Variants in CSMD1 observed in about 807,000 individuals in gnomAD.
The protein encoded by CSMD1 is CUB and Sushi multiple domains 1.
A neutral mutation model predicts 417.5 loss-of-function variants in CSMD1; 213 were observed. The observed-to-expected ratio is 0.51, with a 90% CI of 0.46 to 0.57. The LOEUF (loss-of-function observed/expected upper bound fraction) is 0.57, where lower values mean the gene tolerates loss of function less well. CSMD1 is among the 20% of genes least tolerant of loss of function. The probability of loss-of-function intolerance (pLI) is 0.00; values close to 1 mark genes in which losing one functional copy is unlikely to be tolerated. For synonymous variants in CSMD1, 2,862 were observed against 1,736.8 expected (o/e 1.65, Z -16.11); for missense variants, 6,923 against 4,529.7 (o/e 1.53, Z -15.17).
chr8:3,553,863 C>G (rs1799024810), intron 10 of CSMD1, among the ~76,000 whole-genome samples: 1 of 152,060 alleles, frequency 6.6e-6, no homozygotes, highest in African/African-American at 2.4e-5. Context: ...ACACATATGC[C>G]AAACACGTAC....
chr8:3,345,412 A>G (rs1807923590), intron 22 of CSMD1, among the ~76,000 whole-genome samples: 1 of 152,114 alleles, frequency 6.6e-6, no homozygotes, highest in Non-Finnish European at 1.5e-5. Flanking sequence ...GAGAAAGTGT[A>G]TGTCGTTGAT....
intron 1 of CSMD1, among the ~76,000 whole-genome samples, chr8:4,892,111 T>G (rs1010118229): frequency 7.9e-5 from 12 of 152,140 alleles, no homozygotes; most frequent in African/African-American, 2.7e-4. Flanking sequence ...TCTTCCTCTC[T>G]GTCACAGGGA....
chr8:4,249,754 T>C (rs1325272551), intron 3 of CSMD1, among the ~76,000 whole-genome samples: 1 of 150,546 alleles, frequency 6.6e-6, no homozygotes, highest in Admixed American at 6.7e-5. Context: ...ACAAAGTCTA[T>C]TAATGGGGGA....
chr8:4,150,688 G>C lies in CSMD1; in HGVS notation c.416-118589C>G, dbSNP rs576341248. On this transcript the variant is annotated intron_variant, in intron 3 of 69. Transcript: ENST00000635120. ...TGCAGATAAGGAGTGTTTAGCATTT[G>C]GTTTAGAACCTTAGGGTGTGGAAAG... Among the ~76,000 whole-genome samples the C allele has an allele frequency of 3.3e-5, 5 of 152,230 alleles. No homozygotes were observed. In the South Asian group the frequency reaches 1.0e-3, roughly 32 times the overall value.
chr8:4,670,537 G>C (rs897374396), intron 1 of CSMD1, among the ~76,000 whole-genome samples: 2 of 152,150 alleles, frequency 1.3e-5, no homozygotes, highest in Non-Finnish European at 2.9e-5. Flanking sequence ...GGGATACTGT[G>C]TCTTATATTC....
In CSMD1 at chr8:3,223,716, C is replaced by T; in HGVS notation, c.4484+13G>A. Reference sequence around the variant, plus strand: ...AATCCTACTAAAAAGAGGTATTCTGCAAGAGACGGTACCTTTTGAATATCA... The same window carrying T: ...AATCCTACTAAAAAGAGGTATTCTGTAAGAGACGGTACCTTTTGAATATCA... On this transcript the variant is annotated intron_variant, in intron 28 of 69. Transcript: ENST00000635120. The T allele has an allele frequency of 6.2e-7, 1 of 1,613,136 alleles. No individual in the cohort carries two copies. Among genetic ancestry groups the T allele is most frequent in the Non-Finnish European group, 8.5e-7 (1 of 1,179,382 alleles).
intron 1 of CSMD1, among the ~76,000 whole-genome samples, chr8:4,793,195 T>C (rs1477481475): frequency 6.6e-6 from 1 of 152,032 alleles, no homozygotes; most frequent in Non-Finnish European, 1.5e-5. Flanking sequence ...TATGAGTAAA[T>C]AAAAATTAAT....
Position 3,714,291 on chromosome 8 carries a change from T to C in CSMD1, c.932-5800A>G, listed in dbSNP as rs1048319464. Among the ~76,000 whole-genome samples the C allele has an allele frequency of 2.6e-5, 4 of 151,054 alleles. No homozygotes were observed. In the Admixed American group the frequency reaches 2.6e-4, roughly 10 times the overall value. Reference sequence around the variant, plus strand: ...TCTTACAATTATTTAATCAATAGATTTCTGTTAAATTTGAGAAGTAATCAC... The same window carrying C: ...TCTTACAATTATTTAATCAATAGATCTCTGTTAAATTTGAGAAGTAATCAC... On this transcript the variant is annotated intron_variant, in intron 6 of 69. Transcript: ENST00000635120.
intron 11 of CSMD1, among the ~76,000 whole-genome samples, chr8:3,490,505 T>C (rs2117286912): frequency 6.6e-6 from 1 of 152,332 alleles, no homozygotes; most frequent in South Asian, 2.1e-4. Flanking sequence ...TCTCTTAAAT[T>C]AGGTGTTTTG....
chr8:3,410,740 A>T (rs1020260095), intron 12 of CSMD1, among the ~76,000 whole-genome samples: 2 of 152,160 alleles, frequency 1.3e-5, no homozygotes, highest in African/African-American at 2.4e-5. Context: ...AAAATTTTTT[A>T]AAATTATTAT....
chr8:4,133,045 T>C (rs1021953989), intron 3 of CSMD1, among the ~76,000 whole-genome samples: 3 of 152,246 alleles, frequency 2.0e-5, no homozygotes, highest in Admixed American at 2.0e-4. Flanking sequence ...GCGATTCTTT[T>C]CTGCCTCAGC....
chr8:3,188,464 G>T (rs1476045878), intron 35 of CSMD1, among the ~76,000 whole-genome samples: 2 of 151,426 alleles, frequency 1.3e-5, no homozygotes, highest in Non-Finnish European at 2.9e-5. Flanking sequence ...ATACTACCAT[G>T]CCTGGCTAGT....
chr8:4,374,454 C>G (rs536362282), intron 3 of CSMD1, among the ~76,000 whole-genome samples: 31 of 152,180 alleles, frequency 2.0e-4, no homozygotes, highest in African/African-American at 7.5e-4. Flanking sequence ...CTTTATCTGT[C>G]CTACGGAGTG....
At chr8:4,719,051 G>GA (rs1337465337) in intron 1 of CSMD1, among the ~76,000 whole-genome samples, 7 of 151,736 alleles carry the variant, frequency 4.6e-5, no homozygotes, top group Middle Eastern at 3.4e-3. Flanking sequence ...CACTGGTGAA[G>GA]AAAAAAAAGA....
intron 3 of CSMD1, among the ~76,000 whole-genome samples, chr8:4,158,835 AG>A (rs1170688905): frequency 2.6e-5 from 4 of 152,194 alleles, no homozygotes; most frequent in Non-Finnish European, 2.9e-5. Flanking sequence ...ATCCAATAAT[AG>A]GAAGTCAGTT....
At chr8:3,754,936 T>C (rs1199749239) in intron 5 of CSMD1, among the ~76,000 whole-genome samples, 2 of 148,594 alleles carry the variant, frequency 1.3e-5, no homozygotes, top group Non-Finnish European at 3.0e-5. Context: ...AGATTTGAAA[T>C]GGAATAAAAT....
intron 1 of CSMD1, among the ~76,000 whole-genome samples, chr8:4,969,665 G>A (rs975930637): frequency 1.3e-4 from 20 of 151,922 alleles, no homozygotes; most frequent in African/African-American, 4.8e-4. Flanking sequence ...CATTGATTTC[G>A]AGGTGTGTCA....
rs1448422386 is a variant in CSMD1 at position 3,199,784 on chromosome 8, T to A, written c.5124A>T (p.Ser1708=). The part of the protein sequence containing the change: ...HSGETLPLAT[S]NQILLRFSAK... ...CACTGAATCGGAGCAGAATTTGATT[T>A]GACGTAGCCAAGGGCAATGTTTCCC... The change falls in exon 33 of 70, where the codon TCA becomes TCT. Residue 1708 remains serine (S), a synonymous_variant. Transcript: ENST00000635120. The A allele has an allele frequency of 1.3e-6, 2 of 1,579,612 alleles. No homozygotes were observed. Among genetic ancestry groups the A allele is most frequent in the Middle Eastern group, 1.7e-4 (1 of 6,038 alleles).
At chr8:4,651,273 G>A (rs550489025) in intron 1 of CSMD1, among the ~76,000 whole-genome samples, 2 of 152,136 alleles carry the variant, frequency 1.3e-5, no homozygotes, top group Non-Finnish European at 2.9e-5. Context: ...AAAAGCATTT[G>A]TTTAATGATC....
Sources: allele counts gnomAD v4.1 joint callset (sites outside exome capture counted in the v4.1 genomes callset), GRCh38; gene constraint gnomAD v4.1.1; transcripts MANE v1.5; gene names NCBI Gene and HGNC (gene_info 2026-07-23, HGNC 2026-07-21).